NBAS: variants seen among roughly 807,000 people sequenced by gnomAD.
NBAS encodes NAG/BC035112 fusion.
NBAS carries 219 observed loss-of-function variants against 302.5 expected under a neutral mutation model. The ratio of observed to expected loss-of-function variants is 0.72; its 90% CI spans 0.65 to 0.81. NBAS has a LOEUF of 0.81. NBAS is among the 30% of genes least tolerant of loss of function. The pLI is 0.00. For synonymous variants in NBAS, 1,118 were observed against 1,021.6 expected, an observed-to-expected ratio of 1.09 and a Z score of -1.80; for missense variants, 2,932 against 2,841.6, an observed-to-expected ratio of 1.03 and a Z score of -0.72.
At position 15,276,856 on chromosome 2, in the gene NBAS, G is replaced by A. The variant is rs1475827795; in HGVS notation, c.5384C>T (p.Ala1795Val). 5 of 1,614,022 alleles carry A rather than the reference G, an allele frequency of 3.1e-6. No individual in the cohort carries two copies. In the Admixed American group the frequency reaches 8.3e-5, roughly 27 times the overall value. ...IRLLKKFKVVASGLNYKKLTD... is the reference protein window; with the variant it reads ...IRLLKKFKVVVSGLNYKKLTD... ...CAGGGAAACAACCATCCTACCTGAT[G>A]CAACAACCTTAAACTTCTTCAGCAG... The change falls in exon 43 of 52, where the codon GCA becomes GTA. Residue 1795 changes from alanine (A) to valine (V), a missense_variant. Transcript: ENST00000281513.
chr2:14,833,299 T>A, the NBAS span, among the ~76,000 whole-genome samples: 1 of 152,112 alleles, frequency 6.6e-6, no homozygotes, highest in African/African-American at 2.4e-5. Flanking sequence ...GGACTCCCAC[T>A]TGCCAGGGCA....
intron 51 of NBAS, among the ~76,000 whole-genome samples, chr2:15,173,829 C>T (rs918003310): frequency 2.6e-5 from 4 of 152,238 alleles, no homozygotes; most frequent in African/African-American, 9.6e-5. Flanking sequence ...TACCTCCTTG[C>T]TACCTTCGTT....
chr2:15,207,465 G>A (rs1394165278), intron 48 of NBAS, among the ~76,000 whole-genome samples: 1 of 152,188 alleles, frequency 6.6e-6, no homozygotes, highest in Non-Finnish European at 1.5e-5. Flanking sequence ...GACTTTGGGG[G>A]ACTACTGGGA....
chr2:15,461,876 C>A, intron 19 of NBAS, 85 bp from the exon 20 acceptor site: 1 of 759,510 alleles, frequency 1.3e-6, no homozygotes, highest in South Asian at 1.6e-5. Flanking sequence ...CTTTACAACT[C>A]TGCCTGCCTA....
At chr2:14,790,962 TCTC>T in the NBAS span, among the ~76,000 whole-genome samples, 3 of 152,302 alleles carry the variant, frequency 2.0e-5, no homozygotes, top group East Asian at 5.8e-4. Context: ...TTCAAGCGAT[TCTC>T]CTGCCTTAGC....
chr2:15,099,516 A>G, the NBAS span, among the ~76,000 whole-genome samples: 1,772 of 152,240 alleles, frequency 0.012, 34 homozygotes, highest in African/African-American at 0.041. Context: ...GAGATGGGAT[A>G]TAGTCAATCC....
At chr2:15,098,074 G>GTATACAATAT in the NBAS span, among the ~76,000 whole-genome samples, 4 of 36 alleles carry the variant, frequency 0.11, 2 homozygotes, top group African/African-American at 0.33. Context: ...ATATTATATT[G>GTATACAATAT]TATATATTAT....
At chr2:15,004,550 G>A in the NBAS span, among the ~76,000 whole-genome samples, 161 of 152,254 alleles carry the variant, frequency 1.1e-3, 1 homozygote, top group African/African-American at 3.6e-3. Flanking sequence ...TGTCCAGACT[G>A]GGGTGCAGTG....
the NBAS span, among the ~76,000 whole-genome samples, chr2:14,807,141 AG>A: frequency 1.3e-4 from 20 of 150,802 alleles, no homozygotes; most frequent in Admixed American, 2.6e-4. Context: ...TGTAAATATC[AG>A]GGGGGGGTTC....
chr2:15,124,670 G>A, the NBAS span, among the ~76,000 whole-genome samples: 1 of 152,234 alleles, frequency 6.6e-6, no homozygotes, highest in East Asian at 1.9e-4. Context: ...GACACTTGCT[G>A]CATCCTGGCT....
At chr2:15,524,704 T>G (rs1662838691) in intron 9 of NBAS, among the ~76,000 whole-genome samples, 1 of 152,146 alleles carries the variant, frequency 6.6e-6, no homozygotes, top group Non-Finnish European at 1.5e-5. Flanking sequence ...ATTATCCCAT[T>G]GATCCTATTA....
chr2:15,085,612 C>T, the NBAS span, among the ~76,000 whole-genome samples: 1 of 152,170 alleles, frequency 6.6e-6, no homozygotes, highest in Non-Finnish European at 1.5e-5. Flanking sequence ...GAGCAGGCAG[C>T]AGCCCTGCCC....
At chr2:15,333,311 C>T (rs1465093978) in intron 35 of NBAS, among the ~76,000 whole-genome samples, 2 of 152,072 alleles carry the variant, frequency 1.3e-5, no homozygotes, top group African/African-American at 4.8e-5. Flanking sequence ...CCACAGAACG[C>T]AGCACAGAAA....
At chr2:15,461,403 A>C in intron 20 of NBAS, 66 bp from the exon 21 acceptor site, 1 of 1,558,724 alleles carries the variant, frequency 6.4e-7, no homozygotes, top group South Asian at 1.1e-5. Flanking sequence ...ATTTTATATG[A>C]CAACATTCAA....
intron 13 of NBAS, among the ~76,000 whole-genome samples, chr2:15,477,755 C>T (rs1680252364): frequency 6.6e-6 from 1 of 152,048 alleles, no homozygotes. Context: ...AATCAAATGA[C>T]AATTATTACT....
the NBAS span, among the ~76,000 whole-genome samples, chr2:15,040,608 G>T: frequency 1.3e-5 from 2 of 152,232 alleles, no homozygotes; most frequent in Non-Finnish European, 2.9e-5. Context: ...GGGCTCAGCA[G>T]TTGGCCTGCA....
intron 3 of NBAS, among the ~76,000 whole-genome samples, chr2:15,556,384 A>G (rs1287618291): frequency 6.6e-6 from 1 of 152,228 alleles, no homozygotes; most frequent in African/African-American, 2.4e-5. Context: ...TAAAAAATAT[A>G]CAAGAACTGA....
intron 42 of NBAS, among the ~76,000 whole-genome samples, chr2:15,282,506 T>C (rs1669869048): frequency 6.6e-6 from 1 of 152,156 alleles, no homozygotes; most frequent in Admixed American, 6.6e-5. Flanking sequence ...CTAAAGAATA[T>C]GAAATCAGCT....
the NBAS span, among the ~76,000 whole-genome samples, chr2:15,143,301 C>T: frequency 0.012 from 1,763 of 152,268 alleles, 28 homozygotes; most frequent in African/African-American, 0.036. Flanking sequence ...AGCAAGTCCG[C>T]GTCTGCAGAG....
Sources: gnomAD v4.1 joint callset for allele counts (sites outside exome capture counted in the v4.1 genomes callset) on GRCh38, gnomAD v4.1.1 for gene constraint, MANE v1.5 for transcripts, NCBI Gene and HGNC (gene_info 2026-07-23, HGNC 2026-07-21) for gene names.